Variants in UBN2 observed in about 807,000 individuals in gnomAD.
UBN2 encodes the protein ubinuclein 2.
A neutral mutation model predicts 120.2 loss-of-function variants in UBN2; 35 were observed. The observed-to-expected ratio is 0.29, with a 90% CI of 0.22 to 0.39. UBN2 has a LOEUF of 0.39. Ranked by LOEUF, UBN2 falls within the 10% of genes least tolerant of loss-of-function variation. The pLI is 1.00. For synonymous variants in UBN2, 661 were observed against 648.7 expected (o/e 1.02, Z -0.29); for missense variants, 1,693 against 1,663.2 (o/e 1.02, Z -0.31).
rs559757604 is a variant in UBN2, at chr7:139,231,567, A to C, written c.83A>C (p.Glu28Ala). 36 of 1,409,432 alleles carry C rather than the reference A, an allele frequency of 2.6e-5. No homozygotes were observed. The South Asian group carries it at 5.3e-4, about 21-fold the overall frequency. 87.3% of individuals were successfully genotyped at this position (1,409,432 alleles called of 1,614,324 possible). The change falls in exon 1 of 18, where the codon GAG becomes GCG. Residue 28 changes from glutamate (E) to alanine (A), a missense_variant. This residue lies in a region of UBN2 where 663 missense variants were observed against 591.2 expected (regional missense o/e 1.12). Transcript: ENST00000473989. ...REAEYPGPER[E>A]PEYPREPPRL... ...GCCGAGTACCCGGGGCCCGAGCGTGAGCCCGAGTACCCCCGCGAGCCCCCC... is the reference window on the plus strand; with the variant it reads ...GCCGAGTACCCGGGGCCCGAGCGTGCGCCCGAGTACCCCCGCGAGCCCCCC...
chr7:139,266,291 A>G (rs1797098512), intron 6 of UBN2, 42 bp from the exon 7 acceptor site: 2 of 1,260,254 alleles, frequency 1.6e-6, no homozygotes, highest in Non-Finnish European at 2.3e-6. Context: ...AAATAGAGTA[A>G]TGGCCTATTT....
At chr7:139,278,436 C>A (rs1797510886) in intron 12 of UBN2, among the ~76,000 whole-genome samples, 1 of 152,084 alleles carries the variant, frequency 6.6e-6, no homozygotes, top group South Asian at 2.1e-4. Flanking sequence ...CCTGCCTCAG[C>A]CCAAAGTGCT....
chr7:139,250,847 C>G (rs1387714408), intron 2 of UBN2, among the ~76,000 whole-genome samples: 2 of 152,186 alleles, frequency 1.3e-5, no homozygotes, highest in Non-Finnish European at 2.9e-5. Flanking sequence ...TGGCTCACAC[C>G]TATAATCCCA....
intron 1 of UBN2, among the ~76,000 whole-genome samples, chr7:139,232,948 G>A (rs527755892): frequency 2.0e-5 from 3 of 152,302 alleles, no homozygotes; most frequent in South Asian, 2.1e-4. Flanking sequence ...TTAACAGTAA[G>A]GAAAGAGAAC....
intron 15 of UBN2, among the ~76,000 whole-genome samples, chr7:139,290,954 T>A (rs1797937211): frequency 6.6e-6 from 1 of 152,354 alleles, no homozygotes; most frequent in African/African-American, 2.4e-5. Flanking sequence ...CAAAGATTTT[T>A]AAAATAATCA....
chr7:139,242,722 C>G (rs1160852192), intron 2 of UBN2, among the ~76,000 whole-genome samples: 1 of 152,140 alleles, frequency 6.6e-6, no homozygotes, highest in African/African-American at 2.4e-5. Context: ...GCCTTAGGAA[C>G]AATTGAGAAT....
At chr7:139,272,069 A>G (rs1797292791) in intron 8 of UBN2, among the ~76,000 whole-genome samples, 1 of 152,202 alleles carries the variant, frequency 6.6e-6, no homozygotes, top group African/African-American at 2.4e-5. Context: ...GTAATGGAAC[A>G]CTATTAATAA....
chr7:139,273,072 A>G (rs921895353), intron 9 of UBN2, among the ~76,000 whole-genome samples: 3 of 152,196 alleles, frequency 2.0e-5, no homozygotes, highest in African/African-American at 7.2e-5. Context: ...GTGTTTTCTG[A>G]CCTAAAAGGT....
At chr7:139,255,682 A>G (rs1334781058) in intron 3 of UBN2, among the ~76,000 whole-genome samples, 3 of 152,136 alleles carry the variant, frequency 2.0e-5, no homozygotes, top group Admixed American at 6.5e-5. Context: ...GTCGAACCAA[A>G]TGATTCTTGT....
chr7:139,327,232 C>T, the UBN2 span, among the ~76,000 whole-genome samples: 1 of 152,100 alleles, frequency 6.6e-6, no homozygotes, highest in Non-Finnish European at 1.5e-5. Context: ...AGGGTTTCTC[C>T]ATGTTGGTCA....
At position 139,283,047 on chromosome 7, in the gene UBN2, G is replaced by C. The variant is rs766489381; in HGVS notation, c.2142G>C (p.Gln714His). 22 of 1,602,360 alleles carry C rather than the reference G, an allele frequency of 1.4e-5. No homozygotes were observed. In the South Asian group the frequency reaches 2.5e-4, roughly 18 times the overall value. ...MLKECSPKKD[Q>H]KTPTSLVASV... Reference sequence around the variant, plus strand: ...AGGAGTGTAGTCCAAAAAAGGACCAGAAAACTCCAACATCCCTGGTGGCTT... The same window carrying C: ...AGGAGTGTAGTCCAAAAAAGGACCACAAAACTCCAACATCCCTGGTGGCTT... Residue 714 changes from glutamine to histidine, a missense_variant, in exon 15 of 18, where the codon CAG (glutamine) becomes CAC (histidine). By Grantham distance (24) the Gln-to-His change is conservative. Around this residue, in one of 5 missense-constraint regions of UBN2, gnomAD observed 837 missense variants for 817.6 expected, o/e 1.02. Transcript: ENST00000473989.
At chr7:139,308,696 A>AT (rs1798405221), downstream of UBN2, among the ~76,000 whole-genome samples, 1 of 152,172 alleles carries the variant, frequency 6.6e-6, no homozygotes. Flanking sequence ...GTAATAGGGT[A>AT]TGTGTGTATT....
chr7:139,325,324 A>G, the UBN2 span, among the ~76,000 whole-genome samples: 19 of 139,414 alleles, frequency 1.4e-4, no homozygotes, highest in African/African-American at 4.7e-4. Flanking sequence ...CTGGAGTGCA[A>G]TGGTGCGATC....
At chr7:139,275,582 CA>C (rs889179822) in intron 11 of UBN2, among the ~76,000 whole-genome samples, 52 of 116,184 alleles carry the variant, frequency 4.5e-4, no homozygotes, top group African/African-American at 4.7e-4. Context: ...GACTCTGTCT[CA>C]AAAAAAAAAA....
chr7:139,282,566 A>G (rs1563221967), intron 14 of UBN2, among the ~76,000 whole-genome samples: 1 of 152,218 alleles, frequency 6.6e-6, no homozygotes, highest in Non-Finnish European at 1.5e-5. Context: ...AGGACAGGGC[A>G]TACAAAGAGG....
At position 139,261,608 on chromosome 7, in the gene UBN2, T is replaced by A. The variant is rs185500029; in HGVS notation, c.1262T>A (p.Leu421Gln). The change falls in exon 6 of 18, where the codon CTA becomes CAA. Residue 421 changes from leucine (L) to glutamine (Q), a missense_variant. By Grantham distance (113) the Leu-to-Gln change is moderately radical. This residue lies in a region of UBN2 where 663 missense variants were observed against 591.2 expected (regional missense o/e 1.12). Transcript: ENST00000473989. ...GATGCTGCTTCTGATGGTAGCCCCC[T>A]ATCTGAGTCGGGGGGTGAAAATGGA... ...LLDAASDGSP[L>Q]SESGGENGTT... 1 of 1,614,226 alleles carries A rather than the reference T, an allele frequency of 6.2e-7. No individual in the cohort carries two copies. Among genetic ancestry groups the A allele is most frequent in the African/African-American group, 1.3e-5 (1 of 75,064 alleles).
At chr7:139,243,305 CTTG>C (rs1404326008) in intron 2 of UBN2, among the ~76,000 whole-genome samples, 12 of 151,314 alleles carry the variant, frequency 7.9e-5, no homozygotes, top group East Asian at 1.9e-4. Context: ...TTTTTTTGTT[CTTG>C]TTGTTTGGAA....
chr7:139,269,155 G>C (rs573056730), intron 7 of UBN2, among the ~76,000 whole-genome samples: 4 of 152,286 alleles, frequency 2.6e-5, no homozygotes, highest in Non-Finnish European at 5.9e-5. Context: ...GTTCCAGTAA[G>C]CCGAGACTGC....
intron 12 of UBN2, 97 bp from the exon 13 acceptor site, chr7:139,279,221 G>A: frequency 2.1e-6 from 2 of 964,866 alleles, no homozygotes; most frequent in South Asian, 2.9e-5. Context: ...CCAAATAGCA[G>A]AAGGAATTAT....
Sources: gnomAD v4.1 joint callset for allele counts (sites outside exome capture counted in the v4.1 genomes callset) on GRCh38, gnomAD v4.1.1 for gene constraint, gnomAD v4.1.1 regional missense constraint, MANE v1.5 for transcripts, NCBI Gene and HGNC (gene_info 2026-07-23, HGNC 2026-07-21) for gene names.